Variants in SLC7A9 observed in about 807,000 individuals in gnomAD.
The protein encoded by SLC7A9 is solute carrier family 7 member 9.
SLC7A9 carries 38 observed loss-of-function variants against 54.1 expected under a neutral mutation model. That is an observed-to-expected ratio of 0.70 (90% CI 0.54 to 0.92). The LOEUF (loss-of-function observed/expected upper bound fraction) is 0.92, where lower values mean the gene tolerates loss of function less well. Ranked by LOEUF, SLC7A9 falls within the 40% of genes least tolerant of loss-of-function variation. The pLI, the probability that SLC7A9 is intolerant of heterozygous loss-of-function variation, is 0.00. For missense variants in SLC7A9, 537 were observed against 636.1 expected (o/e 0.84, Z 1.68); for synonymous variants, 264 against 258.9 (o/e 1.02, Z -0.19).
intron 9 of SLC7A9, among the ~76,000 whole-genome samples, chr19:32,848,685 T>A (rs1400549317): frequency 2.0e-5 from 3 of 152,180 alleles, no homozygotes; most frequent in Non-Finnish European, 4.4e-5. Context: ...CAAGTGGACC[T>A]AATAGACATC....
chr19:32,864,255 T>G lies in SLC7A9; in HGVS notation c.319A>C (p.Ile107Leu). 1 of 1,614,140 alleles carries G rather than the reference T, an allele frequency of 6.2e-7. No homozygotes were observed. Among genetic ancestry groups the G allele is most frequent in the Non-Finnish European group, 8.5e-7 (1 of 1,179,998 alleles). ...YPYLMEAYGP[I>L]PAYLFSWASL... ...GCCCAGGAGAAGAGGTAGGCGGGGA[T>G]GGGCCCGTAGGCCTCCATCAGGTAG... The change falls in exon 4 of 13, where the codon ATC becomes CTC. Residue 107 changes from isoleucine to leucine, a missense_variant. Coordinates refer to ENST00000023064, the MANE Select transcript of SLC7A9 (RefSeq NM_014270.5).
intron 9 of SLC7A9, among the ~76,000 whole-genome samples, chr19:32,854,240 C>T (rs992021972): frequency 5.3e-5 from 8 of 151,976 alleles, no homozygotes; most frequent in African/African-American, 1.9e-4. Context: ...GTCTCTAACC[C>T]ATGGGCTCAA....
At position 32,868,334 on chromosome 19, in the gene SLC7A9, A is replaced by G. The variant is rs17238872; in HGVS notation, c.87+114T>C. ...TAAAGATGTACTTCACAAATCAAAG[A>G]GTACATCTTCTGCCGTGTCACTAGG... On this transcript the variant is annotated intron_variant, in intron 2 of 12. Transcript: ENST00000023064. 0.22 allele frequency: 167,079 copies of G among 747,214 alleles called. 21,063 individuals are homozygous for G. The highest frequency in any genetic ancestry group is 0.54 in the East Asian group (20,746 of 38,182). The allele number at this position is 747,214 out of a possible 1,614,324, so 46.3% of individuals were successfully genotyped here. A position where few individuals can be genotyped will look rare whatever the true frequency, so the allele number is the denominator to read the frequency against.
intron 7 of SLC7A9, chr19:32,860,316 G>A: frequency 2.2e-6 from 3 of 1,386,118 alleles, no homozygotes; most frequent in Non-Finnish European, 2.8e-6. Flanking sequence ...CAGCACTTTG[G>A]GAGGCCGAGA....
intron 6 of SLC7A9, among the ~76,000 whole-genome samples, chr19:32,861,572 G>A (rs2145841330): frequency 6.6e-6 from 1 of 152,290 alleles, no homozygotes; most frequent in Admixed American, 6.5e-5. Context: ...AGCACTTTGG[G>A]AGGCCGAGGA....
At chr19:32,863,402 C>T (rs1421384196) in intron 4 of SLC7A9, among the ~76,000 whole-genome samples, 4 of 152,082 alleles carry the variant, frequency 2.6e-5, no homozygotes, top group Admixed American at 6.6e-5. Flanking sequence ...GCTAGGATTA[C>T]AGGTGTGGGC....
chr19:32,837,180 C>T (rs56403011), intron 11 of SLC7A9, among the ~76,000 whole-genome samples: 2 of 152,076 alleles, frequency 1.3e-5, no homozygotes, highest in African/African-American at 4.8e-5. Context: ...TGTGTCCCTT[C>T]TTTTAAATTC....
At chr19:32,846,657 T>G (rs1968305495) in intron 9 of SLC7A9, among the ~76,000 whole-genome samples, 1 of 152,200 alleles carries the variant, frequency 6.6e-6, no homozygotes, top group Admixed American at 6.5e-5. Flanking sequence ...ATCTGACAGC[T>G]TTGAAGAGAG....
chr19:32,868,969 G>A (rs763481346), intron 1 of SLC7A9, among the ~76,000 whole-genome samples: 4 of 151,782 alleles, frequency 2.6e-5, no homozygotes, highest in Non-Finnish European at 4.4e-5. Flanking sequence ...AGCACTTTCG[G>A]AGGCCGAGGT....
chr19:32,838,496 T>C (rs866543032), intron 11 of SLC7A9, among the ~76,000 whole-genome samples: 2 of 148,276 alleles, frequency 1.3e-5, no homozygotes, highest in South Asian at 4.2e-4. Flanking sequence ...TCTATACATA[T>C]ATAATAGGCA....
rs547911502 is a variant in SLC7A9, at chr19:32,832,629, C to T, written c.1399+520G>A. ...AGAAAGAAAGAAAGAAAAAGAAAAA[C>T]GGCCAGGTACGGTGGCTTAGGCCAG... On this transcript the variant is annotated intron_variant, in intron 12 of 12. Transcript: ENST00000023064. The T allele has an allele frequency of 2.3e-4, 36 of 159,870 alleles. 1 individual carries two copies. The highest frequency in any genetic ancestry group is 1.7e-3 in the South Asian group (9 of 5,254). The allele number at this position is 159,870 out of a possible 1,614,324, so 9.9% of individuals were successfully genotyped here.
intron 7 of SLC7A9, 59 bp downstream of exon 7, chr19:32,860,547 C>G: frequency 6.2e-7 from 1 of 1,613,738 alleles, no homozygotes; most frequent in South Asian, 1.1e-5. Context: ...CCAGCCTTCA[C>G]CAGGAGAAGA....
At chr19:32,838,312 C>G (rs1352842615) in intron 11 of SLC7A9, among the ~76,000 whole-genome samples, 1 of 151,470 alleles carries the variant, frequency 6.6e-6, no homozygotes, top group East Asian at 1.9e-4. Context: ...TTTAATGTGT[C>G]TTTTGGTAGG....
Position 32,868,530 on chromosome 19 carries a change from C to T in SLC7A9, c.5G>A (p.Gly2Glu). ...TCTCCGCTTTCTCAGGCCAGTATCCCCCATGTTTCCTCCTGCTGGTTCCAG... is the reference window on the plus strand; with the variant it reads ...TCTCCGCTTTCTCAGGCCAGTATCCTCCATGTTTCCTCCTGCTGGTTCCAG... M[G>E]DTGLRKRRED... Residue 2 changes from glycine (G) to glutamate (E), a missense_variant, in exon 2 of 13, where the codon GGG becomes GAG. By Grantham distance (98) the Gly-to-Glu change is moderately conservative. Transcript: ENST00000023064. 1 of 1,613,900 alleles carries T rather than the reference C, an allele frequency of 6.2e-7. No individual in the cohort carries two copies. The highest frequency in any genetic ancestry group is 8.5e-7 in the Non-Finnish European group (1 of 1,179,838).
At chr19:32,840,149 A>C (rs945913231) in intron 11 of SLC7A9, among the ~76,000 whole-genome samples, 2 of 151,206 alleles carry the variant, frequency 1.3e-5, no homozygotes, top group Non-Finnish European at 2.9e-5. Context: ...GTTTCCTAGC[A>C]TGTTTCTTTG....
At position 32,864,142 on chromosome 19, in the gene SLC7A9, G is replaced by A. The variant is rs761555888; in HGVS notation, c.432C>T (p.Cys144=). ...EYVCAPFYVG[C]KPPQIVVKCL... ...ATTTCACAACGATTTGAGGAGGCTTGCAGCCCACATAGAAGGGCGCACACA... is the reference window on the plus strand; with the variant it reads ...ATTTCACAACGATTTGAGGAGGCTTACAGCCCACATAGAAGGGCGCACACA... The change falls in exon 4 of 13, where the codon TGC becomes TGT. Residue 144 remains cysteine, a synonymous_variant. Coordinates refer to ENST00000023064, the MANE Select transcript of SLC7A9 (RefSeq NM_014270.5). 1.2e-6 allele frequency: 2 copies of A among 1,614,212 alleles called. No homozygotes were observed. The highest frequency in any genetic ancestry group is 1.7e-6 in the Non-Finnish European group (2 of 1,180,024).
chr19:32,858,514 A>C lies in SLC7A9; in HGVS notation c.903T>G (p.Ala301=), dbSNP rs774424761. 1.9e-6 allele frequency: 3 copies of C among 1,613,266 alleles called. No individual in the cohort carries two copies. In the East Asian group the frequency reaches 6.7e-5, roughly 36 times the overall value. The change falls in exon 9 of 13, where the codon GCT becomes GCG. Residue 301 remains alanine (A), a synonymous_variant. Coordinates refer to ENST00000023064, the MANE Select transcript of SLC7A9 (RefSeq NM_014270.5). ...CCACAAAAAGTGGAACGATCCAAGA[A>C]GCAGGATAGAGAACACGGTCACCAA... ...VTFGDRVLYP[A]SWIVPLFVAF...
At chr19:32,832,313 G>A (rs554911450) in intron 12 of SLC7A9, among the ~76,000 whole-genome samples, 3 of 151,982 alleles carry the variant, frequency 2.0e-5, no homozygotes, top group Admixed American at 2.0e-4. Context: ...TGGGCCGGGC[G>A]CAGTGGCTGA....
intron 4 of SLC7A9, 82 bp from the exon 5 acceptor site, chr19:32,862,668 A>ATTG: frequency 2.0e-6 from 2 of 1,000,654 alleles, no homozygotes; most frequent in African/African-American, 1.8e-5. Flanking sequence ...TATATTTTTT[A>ATTG]TTTTTTTTTT....
Sources: gnomAD v4.1 joint callset for allele counts (sites outside exome capture counted in the v4.1 genomes callset) on GRCh38, gnomAD v4.1.1 for gene constraint, MANE v1.5 for transcripts, NCBI Gene and HGNC (gene_info 2026-07-23, HGNC 2026-07-21) for gene names.